Variants in ZNF385D observed in about 807,000 individuals in gnomAD.
ZNF385D encodes the protein zinc finger protein 385D.
In ZNF385D, 15 loss-of-function variants were observed where a neutral mutation model predicts 35.8. The ratio of observed to expected loss-of-function variants is 0.42; its 90% confidence interval spans 0.28 to 0.64. ZNF385D has a LOEUF of 0.64. Among genes scored for constraint, ZNF385D ranks in the 30% least tolerant of loss-of-function variants. The probability of loss-of-function intolerance (pLI) is 0.23; values close to 1 mark genes in which losing one functional copy is unlikely to be tolerated. For missense variants in ZNF385D, 474 were observed against 494.6 expected (o/e 0.96, Z 0.39); for synonymous variants, 212 against 186.8 (o/e 1.13, Z -1.10).
intron 3 of ZNF385D, among the ~76,000 whole-genome samples, chr3:22,035,773 A>T (rs946049093): frequency 3.3e-5 from 5 of 152,186 alleles, no homozygotes; most frequent in Non-Finnish European, 7.3e-5. Flanking sequence ...AAGATGCAGA[A>T]TGTAGACTCC....
At chr3:21,726,484 A>C (rs2068771550) in intron 1 of ZNF385D, among the ~76,000 whole-genome samples, 1 of 152,230 alleles carries the variant, frequency 6.6e-6, no homozygotes. Flanking sequence ...GCAAAATCTC[A>C]GGATACAAAA....
At chr3:22,290,954 C>T (rs1559501897) in intron 2 of ZNF385D, among the ~76,000 whole-genome samples, 1 of 152,092 alleles carries the variant, frequency 6.6e-6, no homozygotes, top group Non-Finnish European at 1.5e-5. Context: ...GTTGTGCGGG[C>T]ATGAGGAACA....
intron 4 of ZNF385D, chr3:21,443,124 C>G: frequency 1.0e-6 from 1 of 985,032 alleles, no homozygotes; most frequent in South Asian, 4.7e-5. Flanking sequence ...CCAAAGCCAC[C>G]AAATGAGGCT....
intron 2 of ZNF385D, among the ~76,000 whole-genome samples, chr3:21,630,463 C>T (rs1056601010): frequency 1.3e-5 from 2 of 151,992 alleles, no homozygotes; most frequent in East Asian, 3.9e-4. Context: ...CTTCAACCTC[C>T]CAAAGTGCTG....
At chr3:21,737,985 G>A (rs932328448) in intron 1 of ZNF385D, among the ~76,000 whole-genome samples, 12 of 152,204 alleles carry the variant, frequency 7.9e-5, no homozygotes, top group Non-Finnish European at 1.5e-4. Flanking sequence ...CACAATTTTG[G>A]AGAATTACAG....
chr3:21,980,042 A>G (rs978141183), intron 3 of ZNF385D, among the ~76,000 whole-genome samples: 3 of 152,162 alleles, frequency 2.0e-5, no homozygotes, highest in African/African-American at 7.2e-5. Context: ...GTGATATCTG[A>G]GCAAGATGGT....
intron 3 of ZNF385D, among the ~76,000 whole-genome samples, chr3:21,930,332 A>T (rs1243495949): frequency 6.6e-6 from 1 of 152,112 alleles, no homozygotes; most frequent in East Asian, 1.9e-4. Flanking sequence ...ACCAAATCTA[A>T]AAAACCTTTG....
At chr3:21,730,334 A>C (rs566336647) in intron 1 of ZNF385D, among the ~76,000 whole-genome samples, 4 of 152,368 alleles carry the variant, frequency 2.6e-5, no homozygotes, top group Admixed American at 2.6e-4. Flanking sequence ...ACGATGCCCA[A>C]CTATGCTCTC....
chr3:22,096,443 A>T (rs929980534), intron 3 of ZNF385D, among the ~76,000 whole-genome samples: 1 of 152,110 alleles, frequency 6.6e-6, no homozygotes, highest in Non-Finnish European at 1.5e-5. Flanking sequence ...AAAAAATACT[A>T]ATTGGCTATA....
At chr3:21,598,867 G>A (rs760899739) in intron 2 of ZNF385D, among the ~76,000 whole-genome samples, 2 of 152,160 alleles carry the variant, frequency 1.3e-5, no homozygotes, top group South Asian at 2.1e-4. Context: ...TTCCAGAGAA[G>A]TTCACCATTC....
intron 1 of ZNF385D, among the ~76,000 whole-genome samples, chr3:21,707,900 G>C (rs752734863): frequency 1.1e-4 from 16 of 152,166 alleles, no homozygotes; most frequent in Non-Finnish European, 1.8e-4. Context: ...GTGTGCATCT[G>C]TGCTTAGTGA....
chr3:22,233,323 A>G (rs1241203099), intron 2 of ZNF385D, among the ~76,000 whole-genome samples: 1 of 132,654 alleles, frequency 7.5e-6, no homozygotes, highest in Non-Finnish European at 1.5e-5. Flanking sequence ...CAGACACAAA[A>G]GGGTAAGTAC....
intron 3 of ZNF385D, among the ~76,000 whole-genome samples, chr3:22,002,160 G>C (rs766203346): frequency 6.6e-6 from 1 of 151,014 alleles, no homozygotes; most frequent in African/African-American, 2.4e-5. Context: ...ATGAAAAGTT[G>C]ATTTTCAGAA....
At chr3:21,444,527 G>C (rs1252506268) in intron 4 of ZNF385D, among the ~76,000 whole-genome samples, 9 of 151,534 alleles carry the variant, frequency 5.9e-5, no homozygotes, top group Non-Finnish European at 1.2e-4. Flanking sequence ...TGGGATTACA[G>C]GCACACACCA....
In ZNF385D at chr3:21,486,146, A is replaced by G. The variant is rs1387089402; in HGVS notation, c.439+24715T>C. On this transcript the variant is annotated intron_variant, in intron 4 of 7. Coordinates refer to ENST00000281523, the MANE Select transcript of ZNF385D (RefSeq NM_024697.3). ...AAACTGGCTTAGCAGAGAGATTGAA[A>G]CAATTTATCTAGAGAGTCACAAATT... Among the ~76,000 whole-genome samples, 10 of 137,312 alleles carry G rather than the reference A, an allele frequency of 7.3e-5. No homozygotes were observed. The South Asian group carries it at 2.3e-3, about 32-fold the overall frequency. 90.1% of individuals were successfully genotyped at this position (137,312 alleles called of 152,430 possible). A position where few individuals can be genotyped will look rare whatever the true frequency, so the allele number is the denominator to read the frequency against.
intron 3 of ZNF385D, among the ~76,000 whole-genome samples, chr3:21,948,428 C>T (rs546266744): frequency 4.6e-5 from 7 of 152,186 alleles, no homozygotes; most frequent in African/African-American, 1.2e-4. Context: ...TGATTTTCTG[C>T]TCCTCCTTAA....
At chr3:22,152,285 GCAA>G (rs1705288639) in intron 3 of ZNF385D, among the ~76,000 whole-genome samples, 2 of 152,250 alleles carry the variant, frequency 1.3e-5, no homozygotes, top group South Asian at 2.1e-4. Flanking sequence ...TTTTAAAAGA[GCAA>G]CAACAACTGC....
chr3:21,721,329 T>A (rs1256243007), intron 1 of ZNF385D, among the ~76,000 whole-genome samples: 2 of 151,780 alleles, frequency 1.3e-5, no homozygotes, highest in Non-Finnish European at 2.9e-5. Context: ...ACATTTCATT[T>A]GATATGAAGA....
chr3:21,749,439 T>C (rs1559581963), intron 1 of ZNF385D, among the ~76,000 whole-genome samples: 1 of 152,232 alleles, frequency 6.6e-6, no homozygotes, highest in Non-Finnish European at 1.5e-5. Flanking sequence ...AATTATAATC[T>C]GTTTCATCAT....
Sources: allele counts gnomAD v4.1 joint callset (sites outside exome capture counted in the v4.1 genomes callset), GRCh38; gene constraint gnomAD v4.1.1; transcripts MANE v1.5; gene names NCBI Gene and HGNC (gene_info 2026-07-23, HGNC 2026-07-21).